Variants in SPAG16 observed in about 807,000 individuals in gnomAD.
SPAG16 encodes sperm-associated antigen 16 protein.
In SPAG16, 86 loss-of-function variants were observed where a neutral mutation model predicts 80.4. The observed-to-expected ratio is 1.07, with a 90% CI of 0.90 to 1.28. The LOEUF (loss-of-function observed/expected upper bound fraction) is 1.28, where lower values mean the gene tolerates loss of function less well. SPAG16 is among the 50% of genes most tolerant of loss of function. The pLI is 0.00. For missense variants in SPAG16, 870 were observed against 765.3 expected, an observed-to-expected ratio of 1.14 and a Z score of -1.61; for synonymous variants, 294 against 265.9, an observed-to-expected ratio of 1.11 and a Z score of -1.03.
chr2:213,672,845 G>T (rs113023729), intron 10 of SPAG16, among the ~76,000 whole-genome samples: 136 of 141,342 alleles, frequency 9.6e-4, no homozygotes, highest in Middle Eastern at 3.6e-3. Context: ...TTGTTTGTTT[G>T]TTTTATTTTG....
chr2:213,316,864 T>G (rs910820764), intron 4 of SPAG16, among the ~76,000 whole-genome samples: 23 of 152,026 alleles, frequency 1.5e-4, no homozygotes, highest in Non-Finnish European at 2.6e-4. Flanking sequence ...ATTCTTCCTA[T>G]ATCTTTCAGA....
rs568281240 is a variant in SPAG16 at position 213,381,428 on chromosome 2, C to T, written c.942+6309C>T. ...GGTGGCTGGCAGGTTTTTCATGGTA[C>T]GGTGCCATAACAACGGTTCCATGTT... is the stretch of plus-strand genomic sequence containing the variant. On this transcript the variant is annotated intron_variant, in intron 9 of 15. Transcript: ENST00000331683. Among the ~76,000 whole-genome samples the T allele has an allele frequency of 1.9e-4, 29 of 152,250 alleles. 1 individual carries two copies. Among genetic ancestry groups the T allele is most frequent in the South Asian group, 1.5e-3 (7 of 4,822 alleles).
At chr2:213,718,883 G>C (rs1046010839) in intron 10 of SPAG16, among the ~76,000 whole-genome samples, 3 of 152,180 alleles carry the variant, frequency 2.0e-5, no homozygotes, top group Non-Finnish European at 4.4e-5. Flanking sequence ...GCGAGCACAC[G>C]GCGCAGGACT....
chr2:214,106,025 C>A (rs2053363112), intron 13 of SPAG16, among the ~76,000 whole-genome samples: 1 of 151,754 alleles, frequency 6.6e-6, no homozygotes. Context: ...TAAAACTTGG[C>A]ATTCAGAATT....
intron 15 of SPAG16, among the ~76,000 whole-genome samples, chr2:214,290,737 A>G (rs1693736651): frequency 6.6e-6 from 1 of 152,148 alleles, no homozygotes; most frequent in African/African-American, 2.4e-5. Context: ...GTAGTCTGAG[A>G]ATATGCTTAG....
intron 9 of SPAG16, among the ~76,000 whole-genome samples, chr2:213,440,556 A>AAACAACAACAAC (rs368614647): frequency 1.8e-4 from 28 of 151,736 alleles, no homozygotes; most frequent in African/African-American, 6.5e-4. Context: ...CTCCATCTCA[A>AAACAACAACAAC]AACAACAACA....
At chr2:214,124,434 A>G (rs1276107574) in intron 14 of SPAG16, among the ~76,000 whole-genome samples, 1 of 151,844 alleles carries the variant, frequency 6.6e-6, no homozygotes, top group Non-Finnish European at 1.5e-5. Context: ...GATTTATTAT[A>G]GCCAGTCTTA....
chr2:213,697,715 A>G (rs1434927113), intron 10 of SPAG16, among the ~76,000 whole-genome samples: 2 of 152,180 alleles, frequency 1.3e-5, no homozygotes, highest in Non-Finnish European at 2.9e-5. Context: ...CAGCAATAGG[A>G]AATTAATACA....
chr2:214,267,325 G>T (rs1260411145), intron 15 of SPAG16, among the ~76,000 whole-genome samples: 3 of 151,672 alleles, frequency 2.0e-5, no homozygotes, highest in Admixed American at 6.6e-5. Context: ...AGGATAGAGA[G>T]CCCAGAAATA....
intron 12 of SPAG16, among the ~76,000 whole-genome samples, chr2:213,966,701 G>A (rs559817899): frequency 2.2e-4 from 33 of 152,224 alleles, no homozygotes; most frequent in South Asian, 6.2e-4. Context: ...ATTAAAAATA[G>A]TGATGCCTTT....
At chr2:213,776,316 C>G (rs567092531) in intron 10 of SPAG16, among the ~76,000 whole-genome samples, 5 of 152,274 alleles carry the variant, frequency 3.3e-5, no homozygotes, top group African/African-American at 1.2e-4. Context: ...CACAACATTG[C>G]TGGCTTTGAC....
At chr2:213,704,045 A>G (rs1343424956) in intron 10 of SPAG16, among the ~76,000 whole-genome samples, 2 of 152,176 alleles carry the variant, frequency 1.3e-5, no homozygotes, top group Non-Finnish European at 1.5e-5. Context: ...AGAGTGCCCC[A>G]TCCCCTTGTT....
chr2:213,755,559 CTTT>C (rs1193674460), intron 10 of SPAG16, among the ~76,000 whole-genome samples: 1 of 152,114 alleles, frequency 6.6e-6, no homozygotes, highest in Non-Finnish European at 1.5e-5. Context: ...ATAAACTACT[CTTT>C]TTTATCATTT....
At chr2:214,042,003 TATATACAC>T (rs1215999428) in intron 13 of SPAG16, among the ~76,000 whole-genome samples, 11 of 126,150 alleles carry the variant, frequency 8.7e-5, no homozygotes, top group African/African-American at 3.3e-4. Context: ...TATATATATA[TATATACAC>T]ACACACACAA....
At chr2:213,374,579 G>T (rs1239428940) in intron 8 of SPAG16, among the ~76,000 whole-genome samples, 1 of 151,554 alleles carries the variant, frequency 6.6e-6, no homozygotes, top group Non-Finnish European at 1.5e-5. Context: ...TTTCCTTTTT[G>T]TCCTTAACAT....
At chr2:213,940,378 T>C (rs1177852984) in intron 12 of SPAG16, among the ~76,000 whole-genome samples, 1 of 152,106 alleles carries the variant, frequency 6.6e-6, no homozygotes, top group Non-Finnish European at 1.5e-5. Flanking sequence ...CCTGGAACTC[T>C]TGGTCTCAAG....
chr2:214,109,314 T>C (rs958582856), intron 14 of SPAG16, among the ~76,000 whole-genome samples: 12 of 152,296 alleles, frequency 7.9e-5, no homozygotes, highest in Middle Eastern at 3.4e-3. Context: ...AGAAGGATGA[T>C]TTAAGTCTGT....
rs745675882 is a variant in SPAG16 at position 213,971,878 on chromosome 2, G to GT, written c.1400+41733_1400+41734insT. ...AACATGTGCTATTTTCTTGTTTTTT[G>GT]GTTTTTTTTTTTAGTACAGTCATCC... On this transcript the variant is annotated intron_variant, in intron 12 of 15. Transcript: ENST00000331683. 6.4e-3 allele frequency among the ~76,000 whole-genome samples: 861 copies of GT among 133,860 alleles called. 4 individuals are homozygous for GT. Among genetic ancestry groups the GT allele is most frequent in the East Asian group, 0.023 (112 of 4,848 alleles). 87.8% of individuals were successfully genotyped at this position (133,860 alleles called of 152,430 possible).
chr2:213,847,579 G>A (rs1343424654), intron 10 of SPAG16, among the ~76,000 whole-genome samples: 1 of 152,150 alleles, frequency 6.6e-6, no homozygotes, highest in Non-Finnish European at 1.5e-5. Flanking sequence ...GATGGACCTA[G>A]CTCCGTGATC....
Sources: gnomAD v4.1 joint callset for allele counts (sites outside exome capture counted in the v4.1 genomes callset) on GRCh38, gnomAD v4.1.1 for gene constraint, MANE v1.5 for transcripts, NCBI Gene and HGNC (gene_info 2026-07-23, HGNC 2026-07-21) for gene names.